LRRC2: variants seen among roughly 807,000 people sequenced by gnomAD.
LRRC2 encodes leucine-rich repeat-containing protein 2.
LRRC2 carries 27 observed loss-of-function variants against 40.2 expected under a neutral mutation model. That is an observed-to-expected ratio of 0.67 (90% confidence interval 0.49 to 0.93). The LOEUF is 0.93. Ranked by LOEUF, LRRC2 falls within the 40% of genes least tolerant of loss-of-function variation. The pLI is 0.00. For missense variants in LRRC2, 402 were observed against 439.6 expected (o/e 0.91, Z 0.76); for synonymous variants, 147 against 158.9 (o/e 0.92, Z 0.56).
At chr3:46,543,652 A>T (rs1321091477) in intron 3 of LRRC2, among the ~76,000 whole-genome samples, 2 of 137,388 alleles carry the variant, frequency 1.5e-5, no homozygotes, top group African/African-American at 5.2e-5. Flanking sequence ...ATAATAATAA[A>T]TAATAAATAC....
intron 5 of LRRC2, among the ~76,000 whole-genome samples, chr3:46,530,794 A>G (rs1704145677): frequency 6.6e-6 from 1 of 152,162 alleles, no homozygotes; most frequent in Non-Finnish European, 1.5e-5. Flanking sequence ...CCATGATTCA[A>G]TTACCTCCCA....
chr3:46,552,235 T>C (rs994377822), intron 1 of LRRC2, among the ~76,000 whole-genome samples: 1 of 151,962 alleles, frequency 6.6e-6, no homozygotes, highest in African/African-American at 2.4e-5. Flanking sequence ...ATATTCCCAG[T>C]AGGTTGTTAC....
chr3:46,530,351 G>A lies in LRRC2; in HGVS notation c.628-301C>T, dbSNP rs1430137527. ...TTCTAGCACTTTGGGAGGCTGAGGT[G>A]GACAGATTGCTTGAGCCCAGAAGTT... On this transcript the variant is annotated intron_variant, in intron 5 of 8. Transcript: ENST00000395905. Among the ~76,000 whole-genome samples, 4 of 152,070 alleles carry A rather than the reference G, an allele frequency of 2.6e-5. No homozygotes were observed. The East Asian group carries it at 7.7e-4, about 29-fold the overall frequency.
intron 7 of LRRC2, among the ~76,000 whole-genome samples, chr3:46,524,432 TC>T (rs1704020803): frequency 6.6e-6 from 1 of 152,216 alleles, no homozygotes; most frequent in African/African-American, 2.4e-5. Flanking sequence ...TAAAAATTCT[TC>T]CGTTTTTCCT....
In LRRC2 at chr3:46,521,701, G is replaced by A. The variant is rs556446720; in HGVS notation, c.930-43C>T. ...GGAAGTATCACATTATCACCTGTGC[G>A]TTTTAAACTGCAAAATTCCTCACAT... On this transcript the variant is annotated intron_variant, in intron 7 of 8. Transcript: ENST00000395905. The A allele has an allele frequency of 8.6e-5, 133 of 1,548,198 alleles. 1 individual carries two copies. In the South Asian group the frequency reaches 1.3e-3, roughly 15 times the overall value.
intron 1 of LRRC2, among the ~76,000 whole-genome samples, chr3:46,552,407 C>A (rs1209883903): frequency 6.6e-6 from 1 of 150,774 alleles, no homozygotes; most frequent in Non-Finnish European, 1.5e-5. Flanking sequence ...CTCACATAGG[C>A]GGTGTTATAA....
intron 4 of LRRC2, among the ~76,000 whole-genome samples, chr3:46,538,487 A>T: frequency 6.6e-6 from 1 of 151,986 alleles, no homozygotes; most frequent in East Asian, 1.9e-4. Flanking sequence ...AAAAAAATAC[A>T]AAATCAGCTG....
chr3:46,561,108 C>T (rs4683244), intron 1 of LRRC2, among the ~76,000 whole-genome samples: 22,234 of 152,116 alleles, frequency 0.15, 1,701 homozygotes, highest in Middle Eastern at 0.18. Flanking sequence ...AACCCTCTGG[C>T]GAGCCTCTCC....
At chr3:46,519,243 T>A (rs1426314593) in intron 8 of LRRC2, among the ~76,000 whole-genome samples, 180 bp from the exon 9 acceptor site, 1 of 151,798 alleles carries the variant, frequency 6.6e-6, no homozygotes, top group Non-Finnish European at 1.5e-5. Context: ...AAGTAAGTCA[T>A]CACAAATGTG....
At chr3:46,551,365 G>C in intron 2 of LRRC2, 102 bp downstream of exon 2, 4 of 1,426,982 alleles carry the variant, frequency 2.8e-6, no homozygotes, top group Non-Finnish European at 2.8e-6. Context: ...CCAACAGTGA[G>C]AAATCCCAGA....
intron 7 of LRRC2, among the ~76,000 whole-genome samples, chr3:46,522,496 G>C (rs1703981469): frequency 6.6e-6 from 1 of 152,032 alleles, no homozygotes; most frequent in Non-Finnish European, 1.5e-5. Context: ...GGATATGCTT[G>C]AGGCCAGGAG....
chr3:46,536,740 G>T (rs1374825634), intron 4 of LRRC2, among the ~76,000 whole-genome samples: 1 of 152,202 alleles, frequency 6.6e-6, no homozygotes, highest in Non-Finnish European at 1.5e-5. Flanking sequence ...CTAAGGTGTA[G>T]CCAGGGTGAA....
At position 46,527,493 on chromosome 3, in the gene LRRC2, A is replaced by G. The variant is rs773575990; in HGVS notation, c.862T>C (p.Leu288=). 6 of 1,614,032 alleles carry G rather than the reference A, an allele frequency of 3.7e-6. No homozygotes were observed. The South Asian group carries it at 5.5e-5, about 15-fold the overall frequency. Residue 288 remains leucine (L), a synonymous_variant, in exon 7 of 9, where the codon TTA becomes CTA. Transcript: ENST00000395905. ...SMLNLKKLTL[L]VVSGDHLVEL... is the part of the protein sequence containing the mutation. ...ACCAAATGGTCCCCACTGACGACTA[A>G]CAGAGTGAGCTTCTTCAGGTTCAGC...
chr3:46,556,797 T>C (rs1430267025), intron 1 of LRRC2, among the ~76,000 whole-genome samples: 1 of 152,020 alleles, frequency 6.6e-6, no homozygotes, highest in Non-Finnish European at 1.5e-5. Flanking sequence ...CAGGTTGGTC[T>C]CGAATTTCTG....
chr3:46,522,759 TAACACA>T (rs1703987226), intron 7 of LRRC2, among the ~76,000 whole-genome samples: 1 of 80,378 alleles, frequency 1.2e-5, no homozygotes, highest in African/African-American at 5.4e-5. Context: ...GAACTACTGC[TAACACA>T]CACACACACA....
intron 7 of LRRC2, among the ~76,000 whole-genome samples, chr3:46,522,605 C>T (rs941661082): frequency 3.3e-5 from 5 of 151,826 alleles, no homozygotes; most frequent in Admixed American, 1.3e-4. Flanking sequence ...CCCAGCTACT[C>T]GGCAGGCTGA....
chr3:46,533,341 T>TA (rs1268190017), intron 4 of LRRC2, among the ~76,000 whole-genome samples: 1 of 152,220 alleles, frequency 6.6e-6, no homozygotes, highest in Non-Finnish European at 1.5e-5. Context: ...ACAGTGTCTA[T>TA]AGCGGCTCCT....
Position 46,529,928 on chromosome 3 carries a change from G to A in LRRC2, c.750C>T (p.Thr250=), listed in dbSNP as rs751604628. ...QWLDISSNNL[T]DLPQDIDRLE... Reference sequence around the variant, plus strand: ...ACCTGTCTATATCTTGCGGCAGGTCGGTCAGGTTATTGCTGCTGATATCCA... The same window carrying A: ...ACCTGTCTATATCTTGCGGCAGGTCAGTCAGGTTATTGCTGCTGATATCCA... Residue 250 remains threonine (T), a synonymous_variant, in exon 6 of 9, where the codon ACC becomes ACT. Transcript: ENST00000395905. The A allele has an allele frequency of 1.1e-5, 17 of 1,613,908 alleles. No individual in the cohort carries two copies. The highest frequency in any genetic ancestry group is 6.7e-5 in the East Asian group (3 of 44,890).
At chr3:46,549,115 A>G (rs936636144) in intron 2 of LRRC2, among the ~76,000 whole-genome samples, 1 of 152,212 alleles carries the variant, frequency 6.6e-6, no homozygotes, top group Non-Finnish European at 1.5e-5. Context: ...AAGTATCGGT[A>G]TATACTTCAT....
Sources: gnomAD v4.1 joint callset for allele counts (sites outside exome capture counted in the v4.1 genomes callset) on GRCh38, gnomAD v4.1.1 for gene constraint, MANE v1.5 for transcripts, NCBI Gene and HGNC (gene_info 2026-07-23, HGNC 2026-07-21) for gene names.